ADAMTSL1: variants seen among roughly 807,000 people sequenced by gnomAD.
The protein encoded by ADAMTSL1 is ADAMTS-like protein 1.
Under a neutral mutation model 201.8 loss-of-function variants are expected in ADAMTSL1, and 126 were observed. The ratio of observed to expected loss-of-function variants is 0.62; its 90% CI spans 0.54 to 0.72. ADAMTSL1 has a LOEUF of 0.72. Among genes scored for constraint, ADAMTSL1 ranks in the 30% least tolerant of loss-of-function variants. ADAMTSL1 has a pLI of 0.00. For synonymous variants in ADAMTSL1, 1,121 were observed against 903.4 expected (o/e 1.24, Z -4.32); for missense variants, 2,679 against 2,277.8 (o/e 1.18, Z -3.59).
At chr9:18,698,477 G>A (rs1831707423) in intron 13 of ADAMTSL1, among the ~76,000 whole-genome samples, 1 of 151,978 alleles carries the variant, frequency 6.6e-6, no homozygotes, top group Non-Finnish European at 1.5e-5. Context: ...GTAGAGATGA[G>A]GTTTCACCAT....
intron 2 of ADAMTSL1, among the ~76,000 whole-genome samples, chr9:18,425,698 T>TA (rs979948907): frequency 4.7e-5 from 7 of 147,614 alleles, no homozygotes; most frequent in South Asian, 2.2e-4. Context: ...TAAATAAGTT[T>TA]AAAAAAAAAA....
intron 6 of ADAMTSL1, among the ~76,000 whole-genome samples, chr9:18,638,701 G>GA (rs2132797048): frequency 6.6e-6 from 1 of 152,198 alleles, no homozygotes; most frequent in Admixed American, 6.6e-5. Flanking sequence ...AGAAAATACT[G>GA]AAAATGATAG....
intron 23 of ADAMTSL1, among the ~76,000 whole-genome samples, chr9:18,872,184 T>A (rs1827906454): frequency 6.6e-6 from 1 of 151,926 alleles, no homozygotes; most frequent in Non-Finnish European, 1.5e-5. Context: ...AGATAGAATA[T>A]AATAGGACTT....
chr9:18,061,879 G>A (rs1349052272), intron 1 of ADAMTSL1, among the ~76,000 whole-genome samples: 3 of 152,142 alleles, frequency 2.0e-5, no homozygotes, highest in African/African-American at 7.2e-5. Context: ...TCACCAAACG[G>A]CATCTTCAAT....
intron 21 of ADAMTSL1, 102 bp downstream of exon 21, chr9:18,817,339 T>A: frequency 8.2e-7 from 1 of 1,215,130 alleles, no homozygotes; most frequent in Non-Finnish European, 1.1e-6. Flanking sequence ...AGGGATATAG[T>A]GCTAGTAGGA....
At chr9:18,142,446 T>G (rs1202146981) in intron 1 of ADAMTSL1, among the ~76,000 whole-genome samples, 1 of 152,224 alleles carries the variant, frequency 6.6e-6, no homozygotes, top group Non-Finnish European at 1.5e-5. Context: ...AAATCTCTTT[T>G]GCATCTAACT....
chr9:18,143,263 C>T (rs947631700), intron 1 of ADAMTSL1, among the ~76,000 whole-genome samples: 4 of 152,278 alleles, frequency 2.6e-5, no homozygotes, highest in East Asian at 1.9e-4. Context: ...CCCCATGGAG[C>T]CTCTGGACCA....
upstream of ADAMTSL1, among the ~76,000 whole-genome samples, chr9:18,470,294 G>A (rs1487163634): frequency 2.0e-5 from 3 of 152,216 alleles, no homozygotes; most frequent in African/African-American, 7.2e-5. Flanking sequence ...TATAATGAAT[G>A]CTCTAATGGC....
At chr9:18,429,960 T>C (rs1819410453) in intron 2 of ADAMTSL1, among the ~76,000 whole-genome samples, 1 of 152,006 alleles carries the variant, frequency 6.6e-6, no homozygotes, top group South Asian at 2.1e-4. Context: ...CAGCTAGTTT[T>C]TATATTTTTA....
intron 1 of ADAMTSL1, among the ~76,000 whole-genome samples, chr9:18,073,027 C>T (rs964669253): frequency 6.6e-6 from 1 of 152,110 alleles, no homozygotes; most frequent in African/African-American, 2.4e-5. Context: ...GTTAGTTTCT[C>T]TTAGGGTAGA....
chr9:18,229,627 C>T (rs1830568306), intron 2 of ADAMTSL1, among the ~76,000 whole-genome samples: 1 of 151,876 alleles, frequency 6.6e-6, no homozygotes, highest in African/African-American at 2.4e-5. Context: ...AAAAAAGCTA[C>T]CAAGTCTCTT....
chr9:18,732,960 C>A (rs1818299110), intron 15 of ADAMTSL1, among the ~76,000 whole-genome samples: 1 of 152,156 alleles, frequency 6.6e-6, no homozygotes, highest in African/African-American at 2.4e-5. Flanking sequence ...CCATTCCTAT[C>A]CTAACTTTAC....
chr9:18,705,267 G>C (rs180915841), intron 13 of ADAMTSL1, among the ~76,000 whole-genome samples: 3 of 152,172 alleles, frequency 2.0e-5, no homozygotes, highest in Admixed American at 2.0e-4. Flanking sequence ...TCTGCAGCAC[G>C]ACTCCCTGTG....
chr9:18,473,595 G>C (rs924845747), upstream of ADAMTSL1, among the ~76,000 whole-genome samples: 8 of 152,178 alleles, frequency 5.3e-5, no homozygotes, highest in African/African-American at 1.9e-4. Context: ...AAGAGAGAAA[G>C]TAAAGAGGAA....
At chr9:18,199,142 A>G (rs1000929381) in intron 2 of ADAMTSL1, among the ~76,000 whole-genome samples, 4 of 151,256 alleles carry the variant, frequency 2.6e-5, no homozygotes, top group African/African-American at 4.9e-5. Flanking sequence ...ATAGCATTGG[A>G]AGATATACCT....
intron 2 of ADAMTSL1, among the ~76,000 whole-genome samples, chr9:18,459,759 A>G (rs1374330688): frequency 6.6e-6 from 1 of 152,226 alleles, no homozygotes; most frequent in Non-Finnish European, 1.5e-5. Context: ...AACTGTAAAA[A>G]TTGAGAGCTT....
At chr9:18,625,086 T>A (rs745806450) in intron 5 of ADAMTSL1, among the ~76,000 whole-genome samples, 7 of 152,172 alleles carry the variant, frequency 4.6e-5, no homozygotes, top group African/African-American at 1.2e-4. Context: ...GCAGGGAACA[T>A]GAGGCTGCTC....
chr9:18,065,403 A>C (rs144151364), intron 1 of ADAMTSL1, among the ~76,000 whole-genome samples: 2 of 152,182 alleles, frequency 1.3e-5, no homozygotes, highest in Non-Finnish European at 2.9e-5. Context: ...TCAAAGTTCA[A>C]TCATTTGCAT....
chr9:18,067,458 T>G (rs182961845), intron 1 of ADAMTSL1, among the ~76,000 whole-genome samples: 4 of 152,010 alleles, frequency 2.6e-5, no homozygotes, highest in Admixed American at 1.3e-4. Flanking sequence ...TATGAAAGCA[T>G]AAAATGCCAC....
Sources: gnomAD v4.1 joint callset for allele counts (sites outside exome capture counted in the v4.1 genomes callset) on GRCh38, gnomAD v4.1.1 for gene constraint, MANE v1.5 for transcripts, NCBI Gene and HGNC (gene_info 2026-07-23, HGNC 2026-07-21) for gene names.